The following CMTR1 variants were observed in gnomAD, a reference collection of about 807,000 sequenced individuals.
CMTR1 encodes the protein cap methyltransferase 1, also known as cap-specific mRNA (nucleoside-2'-O-)-methyltransferase 1.
CMTR1 carries 39 observed loss-of-function variants against 107.0 expected under a neutral mutation model. The ratio of observed to expected loss-of-function variants is 0.36; its 90% CI spans 0.28 to 0.48. The LOEUF is 0.48. Among genes scored for constraint, CMTR1 ranks in the 20% least tolerant of loss-of-function variants. The pLI is 0.99. For missense variants in CMTR1, 672 were observed against 1,064.9 expected, an observed-to-expected ratio of 0.63 and a Z score of 5.14; for synonymous variants, 366 against 379.5, an observed-to-expected ratio of 0.96 and a Z score of 0.41.
chr6:37,424,247 CT>C, the CMTR1 span, among the ~76,000 whole-genome samples: 92,209 of 142,762 alleles, frequency 0.65, 30,099 homozygotes, highest in African/African-American at 0.77. Context: ...CTTTTTCTTT[CT>C]TTTTTTTTTT....
upstream of CMTR1, among the ~76,000 whole-genome samples, chr6:37,432,170 GGATAGCAGTACAAGGCATACCT>G (rs1037704999): frequency 6.6e-6 from 1 of 152,144 alleles, no homozygotes; most frequent in African/African-American, 2.4e-5. Flanking sequence ...GAGAACTAAG[GGATAGCAGTACAAGGCATACCT>G]GAAGAAGGGG....
chr6:37,447,768 G>C (rs2113869842), intron 4 of CMTR1, among the ~76,000 whole-genome samples: 1 of 152,058 alleles, frequency 6.6e-6, no homozygotes, highest in African/African-American at 2.4e-5. Flanking sequence ...GCTAAGGCAG[G>C]AGAATCACTT....
At chr6:37,439,693 G>A (rs1232208030) in intron 2 of CMTR1, among the ~76,000 whole-genome samples, 1 of 152,238 alleles carries the variant, frequency 6.6e-6, no homozygotes, top group African/African-American at 2.4e-5. Context: ...TAAGCAGGAT[G>A]TGATGTTTAT....
At chr6:37,477,790 C>A in intron 21 of CMTR1, 151 bp downstream of exon 21, 1 of 719,020 alleles carries the variant, frequency 1.4e-6, no homozygotes, top group Non-Finnish European at 2.5e-6. Flanking sequence ...CTCGCTGCAG[C>A]ACTGCTTGCA....
chr6:37,450,522 G>A (rs755465574), intron 5 of CMTR1, among the ~76,000 whole-genome samples, 179 bp downstream of exon 5: 3 of 152,144 alleles, frequency 2.0e-5, no homozygotes, highest in Non-Finnish European at 1.5e-5. Context: ...ATGCCCCTTG[G>A]AGATATGACA....
Position 37,479,175 on chromosome 6 carries a change from C to T in CMTR1, c.2295C>T (p.Ser765=). 1 of 1,614,092 alleles carries T rather than the reference C, an allele frequency of 6.2e-7. No homozygotes were observed. Among genetic ancestry groups the T allele is most frequent in the African/African-American group, 1.3e-5 (1 of 75,054 alleles). The change falls in exon 23 of 24, where the codon AGC becomes AGT. Residue 765 remains serine (S), a synonymous_variant. Coordinates refer to ENST00000373451, the MANE Select transcript of CMTR1 (RefSeq NM_015050.3). The stretch of plus-strand genomic sequence containing the variant: ...CCTGGACTATGGGATTCAGCAAAAG[C>T]TTCAAGAAGAAGTTCTTCTACAACA... ...NEPWTMGFSK[S]FKKKFFYNKK... is the part of the protein sequence containing the mutation.
At chr6:37,471,952 G>A in intron 15 of CMTR1, 48 bp downstream of exon 15, 1 of 1,572,108 alleles carries the variant, frequency 6.4e-7, no homozygotes, top group Non-Finnish European at 8.7e-7. Context: ...GGAAGCCATA[G>A]AGAAGAATGG....
chr6:37,466,114 G>GTT (rs763461526), intron 13 of CMTR1, among the ~76,000 whole-genome samples: 8 of 125,200 alleles, frequency 6.4e-5, no homozygotes, highest in South Asian at 4.6e-4. Flanking sequence ...TACAGTTTTT[G>GTT]TTTTTTTTTT....
In CMTR1 at chr6:37,458,930, C is replaced by A; in HGVS notation, c.976+120C>A. 2.3e-6 allele frequency: 2 copies of A among 871,092 alleles called. No homozygotes were observed. Among genetic ancestry groups the A allele is most frequent in the Non-Finnish European group, 3.5e-6 (2 of 570,254 alleles). The allele number at this position is 871,092 out of a possible 1,614,324, so 54.0% of individuals were successfully genotyped here. A position where few individuals can be genotyped will look rare whatever the true frequency, so the allele number is the denominator to read the frequency against. ...TCTTTCCTAGGTCTCTTACCCTGGG[C>A]TTCACAGTTCATGTCAGAATCTTGG... On this transcript the variant is annotated intron_variant, in intron 9 of 23. Coordinates refer to ENST00000373451, the MANE Select transcript of CMTR1 (RefSeq NM_015050.3). The surrounding 1 kb of genome is among the most constrained non-coding windows in gnomAD (Gnocchi z 4.7).
At chr6:37,434,824 C>A (rs1350428776) in intron 1 of CMTR1, among the ~76,000 whole-genome samples, 1 of 152,174 alleles carries the variant, frequency 6.6e-6, no homozygotes, top group Non-Finnish European at 1.5e-5. Flanking sequence ...GTTGGCCAGG[C>A]TGGTCTTGAA....
At chr6:37,473,339 G>T (rs1019770967) in intron 16 of CMTR1, 131 bp from the exon 17 acceptor site, 43 of 920,758 alleles carry the variant, frequency 4.7e-5, no homozygotes, top group Middle Eastern at 2.2e-4. Flanking sequence ...AGAAGGGGGT[G>T]CAGGGGAGCA....
the CMTR1 span, among the ~76,000 whole-genome samples, chr6:37,427,580 T>C: frequency 1.3e-5 from 2 of 152,216 alleles, no homozygotes; most frequent in Non-Finnish European, 2.9e-5. This position sits in a 1 kb window ranked among gnomAD's most constrained non-coding sequence, Gnocchi z 4.4. Flanking sequence ...CAATGTTATA[T>C]GTTTTGCTTT....
upstream of CMTR1, among the ~76,000 whole-genome samples, chr6:37,429,194 C>G (rs1487538527): frequency 6.6e-6 from 1 of 152,074 alleles, no homozygotes; most frequent in African/African-American, 2.4e-5. Flanking sequence ...GCTATTGAAC[C>G]TATCTAGTGA....
the CMTR1 span, among the ~76,000 whole-genome samples, chr6:37,427,031 C>T: frequency 6.6e-6 from 1 of 152,178 alleles, no homozygotes; most frequent in Non-Finnish European, 1.5e-5. The surrounding 1 kb of genome is among the most constrained non-coding windows in gnomAD (Gnocchi z 4.4). Flanking sequence ...TCCTCTTTGC[C>T]TACCCTGGCT....
Position 37,481,017 on chromosome 6 carries a change from C to T in CMTR1, c.*872C>T. On this transcript the variant is annotated 3_prime_UTR_variant, in exon 24 of 24. Transcript: ENST00000373451. The stretch of plus-strand genomic sequence containing the variant: ...TTGGGTAGCGCTGCCCTCTGGCAGT[C>T]ATGCACCGCTGTCTGCCATAGCCGC... 2.3e-6 allele frequency: 3 copies of T among 1,303,632 alleles called. No individual in the cohort carries two copies. Among genetic ancestry groups the T allele is most frequent in the South Asian group, 2.5e-5 (2 of 80,976 alleles). 80.8% of individuals were successfully genotyped at this position (1,303,632 alleles called of 1,614,324 possible). A position where few individuals can be genotyped will look rare whatever the true frequency, so the allele number is the denominator to read the frequency against.
chr6:37,481,282 GCTC>G lies in CMTR1; in HGVS notation c.*1139_*1141del. On this transcript the variant is annotated 3_prime_UTR_variant, in exon 24 of 24. Transcript: ENST00000373451. ...ATACCTCTCAGAGATGTTCATGCAGGCTCCCTAGGGCCCCATCCCAGTGCCAGG... is the reference window on the plus strand; with the variant it reads ...ATACCTCTCAGAGATGTTCATGCAGGCCTAGGGCCCCATCCCAGTGCCAGG... The G allele has an allele frequency of 1.6e-6, 2 of 1,241,860 alleles. No individual in the cohort carries two copies. Among genetic ancestry groups the G allele is most frequent in the Non-Finnish European group, 1.0e-6 (1 of 965,040 alleles). The allele number at this position is 1,241,860 out of a possible 1,614,324, so 76.9% of individuals were successfully genotyped here.
At chr6:37,469,521 CTTTTTTTTTTT>C (rs763917812) in intron 13 of CMTR1, among the ~76,000 whole-genome samples, 10 of 61,594 alleles carry the variant, frequency 1.6e-4, no homozygotes, top group African/African-American at 5.5e-4. Flanking sequence ...TTGTTTTATC[CTTTTTTTTTTT>C]TTTTTTTTTT....
chr6:37,471,122 ATCTTGCTTT>A (rs751739062), intron 14 of CMTR1, 45 bp downstream of exon 14: 65 of 1,528,658 alleles, frequency 4.3e-5, no homozygotes, highest in Non-Finnish European at 5.7e-5. Flanking sequence ...TCAAGGGAAG[ATCTTGCTTT>A]TCCTCCCCAC....
At chr6:37,459,894 G>T (rs1050825015) in intron 10 of CMTR1, among the ~76,000 whole-genome samples, 1 of 152,190 alleles carries the variant, frequency 6.6e-6, no homozygotes, top group African/African-American at 2.4e-5. Context: ...CCTGGAGCAG[G>T]GTGATCTTGG....
Sources: allele counts gnomAD v4.1 joint callset (sites outside exome capture counted in the v4.1 genomes callset), GRCh38; gene constraint gnomAD v4.1.1; non-coding constraint Gnocchi (gnomAD v3.1); transcripts MANE v1.5; gene names NCBI Gene and HGNC (gene_info 2026-07-23, HGNC 2026-07-21).